The following CACNA2D3 variants were observed in gnomAD, a reference collection of about 807,000 sequenced individuals.
CACNA2D3 encodes the protein voltage-dependent calcium channel subunit alpha-2/delta-3.
In CACNA2D3, 60 loss-of-function variants were observed where a neutral mutation model predicts 160.6. That is an observed-to-expected ratio of 0.37 (90% confidence interval 0.30 to 0.46). The LOEUF is 0.46. CACNA2D3 is among the 20% of genes least tolerant of loss of function. The pLI, the probability that CACNA2D3 is intolerant of heterozygous loss-of-function variation, is 1.00. For missense variants in CACNA2D3, 1,205 were observed against 1,365.0 expected, an observed-to-expected ratio of 0.88 and a Z score of 1.85; for synonymous variants, 558 against 492.9, an observed-to-expected ratio of 1.13 and a Z score of -1.75.
At chr3:54,345,059 A>ATGAATAATCCACCCC (rs1559455930) in intron 3 of CACNA2D3, among the ~76,000 whole-genome samples, 1 of 152,256 alleles carries the variant, frequency 6.6e-6, no homozygotes, top group African/African-American at 2.4e-5. Flanking sequence ...AAGGAGAGGC[A>ATGAATAATCCACCCC]TGAATAATCC....
intron 11 of CACNA2D3, among the ~76,000 whole-genome samples, chr3:54,715,006 G>T (rs868183077): frequency 6.6e-6 from 1 of 152,138 alleles, no homozygotes; most frequent in Non-Finnish European, 1.5e-5. Flanking sequence ...CAGTAGATAC[G>T]ATACCAGCTG....
At chr3:54,896,639 G>A in intron 25 of CACNA2D3, 110 bp from the exon 26 acceptor site, 1 of 1,301,752 alleles carries the variant, frequency 7.7e-7, no homozygotes, top group Admixed American at 1.7e-5. Context: ...GGCAAGTTGG[G>A]GTTCTAAAAG....
chr3:54,640,738 T>G (rs1484921010), intron 10 of CACNA2D3, among the ~76,000 whole-genome samples: 1 of 152,228 alleles, frequency 6.6e-6, no homozygotes, highest in Admixed American at 6.5e-5. Context: ...AAGTGAATTG[T>G]CATGTTACTG....
At chr3:54,265,202 C>G (rs576497217) in intron 2 of CACNA2D3, among the ~76,000 whole-genome samples, 2 of 152,312 alleles carry the variant, frequency 1.3e-5, no homozygotes, top group Admixed American at 6.5e-5. Context: ...CTCCCACCAA[C>G]AGTGTTAAAG....
intron 4 of CACNA2D3, among the ~76,000 whole-genome samples, chr3:54,479,160 T>G (rs1272029842): frequency 6.6e-6 from 1 of 152,014 alleles, no homozygotes; most frequent in Non-Finnish European, 1.5e-5. Flanking sequence ...AAGAAGCTTT[T>G]CCCCCTTTGC....
At chr3:54,200,313 A>C (rs762011226) in intron 2 of CACNA2D3, among the ~76,000 whole-genome samples, 1 of 152,222 alleles carries the variant, frequency 6.6e-6, no homozygotes, top group Non-Finnish European at 1.5e-5. Context: ...AACATATCTG[A>C]GTGTTGCAGA....
At chr3:54,739,490 A>G (rs909550444) in intron 11 of CACNA2D3, among the ~76,000 whole-genome samples, 2 of 151,582 alleles carry the variant, frequency 1.3e-5, no homozygotes, top group African/African-American at 4.9e-5. Flanking sequence ...AATAACATGG[A>G]GAGTGCCTGC....
intron 35 of CACNA2D3, among the ~76,000 whole-genome samples, chr3:55,067,103 G>T (rs1208216698): frequency 6.6e-6 from 1 of 151,378 alleles, no homozygotes; most frequent in Non-Finnish European, 1.5e-5. Context: ...TTTTGTAGCG[G>T]GGGGGGCTTT....
At chr3:54,768,526 G>A (rs1702262398) in intron 13 of CACNA2D3, among the ~76,000 whole-genome samples, 3 of 152,234 alleles carry the variant, frequency 2.0e-5, no homozygotes, top group South Asian at 4.1e-4. Context: ...AAACTTTTGC[G>A]CTGAAGTACT....
At chr3:55,054,275 G>GTT (rs1704308758) in intron 35 of CACNA2D3, among the ~76,000 whole-genome samples, 1 of 151,564 alleles carries the variant, frequency 6.6e-6, no homozygotes, top group Non-Finnish European at 1.5e-5. Context: ...ATACTTGTTT[G>GTT]TTAGACTACT....
At chr3:54,921,024 A>G (rs1251316622) in intron 27 of CACNA2D3, among the ~76,000 whole-genome samples, 1 of 152,144 alleles carries the variant, frequency 6.6e-6, no homozygotes. Context: ...CTCAGCCGGG[A>G]TGCAACTCCC....
intron 4 of CACNA2D3, among the ~76,000 whole-genome samples, chr3:54,463,000 G>C (rs975802457): frequency 6.6e-6 from 1 of 150,700 alleles, no homozygotes; most frequent in Admixed American, 6.6e-5. Flanking sequence ...GCATTTGCTT[G>C]TCTTTAAAGT....
At chr3:54,291,434 C>T (rs963799826) in intron 2 of CACNA2D3, among the ~76,000 whole-genome samples, 10 of 152,106 alleles carry the variant, frequency 6.6e-5, no homozygotes, top group Non-Finnish European at 1.2e-4. Context: ...TTACCTGTTC[C>T]TTTGATTTTC....
intron 4 of CACNA2D3, among the ~76,000 whole-genome samples, chr3:54,447,780 G>A (rs776528002): frequency 2.6e-5 from 4 of 152,208 alleles, no homozygotes; most frequent in Admixed American, 1.3e-4. Context: ...TTGTCTTGAC[G>A]TGTATTGCTG....
intron 4 of CACNA2D3, among the ~76,000 whole-genome samples, chr3:54,468,468 A>G (rs1167007697): frequency 6.6e-6 from 1 of 152,134 alleles, no homozygotes; most frequent in Non-Finnish European, 1.5e-5. Context: ...TGCCTAGGCC[A>G]CCAGGGCCCT....
intron 27 of CACNA2D3, among the ~76,000 whole-genome samples, chr3:54,923,848 TTCTGTA>T (rs1335429372): frequency 6.6e-6 from 1 of 152,206 alleles, no homozygotes; most frequent in African/African-American, 2.4e-5. Flanking sequence ...TGGCAAACTT[TTCTGTA>T]AAGGGCCAGA....
intron 2 of CACNA2D3, among the ~76,000 whole-genome samples, chr3:54,208,206 A>G (rs1233515210): frequency 6.6e-6 from 1 of 152,088 alleles, no homozygotes; most frequent in East Asian, 1.9e-4. Flanking sequence ...CCTGGGTTCA[A>G]GTGATTCTCC....
intron 11 of CACNA2D3, among the ~76,000 whole-genome samples, chr3:54,661,454 A>C (rs1422624973): frequency 6.6e-6 from 1 of 152,208 alleles, no homozygotes; most frequent in African/African-American, 2.4e-5. Context: ...GGACATACTT[A>C]TTGAAATGTG....
intron 35 of CACNA2D3, among the ~76,000 whole-genome samples, chr3:55,041,106 A>G (rs977142982): frequency 6.6e-6 from 1 of 151,998 alleles, no homozygotes; most frequent in Non-Finnish European, 1.5e-5. Context: ...TGGAAATGAG[A>G]TTTCCCTCAT....
Sources: allele counts gnomAD v4.1 joint callset (sites outside exome capture counted in the v4.1 genomes callset), GRCh38; gene constraint gnomAD v4.1.1; transcripts MANE v1.5; gene names NCBI Gene and HGNC (gene_info 2026-07-23, HGNC 2026-07-21).